AKT2: variants seen among roughly 807,000 people sequenced by gnomAD.
AKT2 encodes RAC-beta serine/threonine-protein kinase.
A neutral mutation model predicts 58.6 loss-of-function variants in AKT2; 16 were observed. The ratio of observed to expected loss-of-function variants is 0.27; its 90% confidence interval spans 0.18 to 0.41. The LOEUF is 0.41. AKT2 is among the 10% of genes least tolerant of loss of function. The probability of loss-of-function intolerance (pLI) is 1.00; values close to 1 mark genes in which losing one functional copy is unlikely to be tolerated. For synonymous variants in AKT2, 253 were observed against 254.0 expected (o/e 1.00, Z 0.04); for missense variants, 438 against 661.0 (o/e 0.66, Z 3.70).
In AKT2 at chr19:40,234,191, C is replaced by T. The variant is rs994239773; in HGVS notation, c.1367-240G>A. 1.3e-5 allele frequency among the ~76,000 whole-genome samples: 2 copies of T among 152,286 alleles called. No individual in the cohort carries two copies. Among genetic ancestry groups the T allele is most frequent in the East Asian group, 3.9e-4 (2 of 5,180 alleles). ...CCATGCGCCCCACAGCTGGCAGGGC[C>T]TTCTGAGCCTCCCACCTTCTCTCTG... On this transcript the variant is annotated intron_variant, in intron 13 of 13. Coordinates refer to ENST00000392038, the MANE Select transcript of AKT2 (RefSeq NM_001626.6). The surrounding 1 kb of genome is among the most constrained non-coding windows in gnomAD (Gnocchi z 4.7).
intron 1 of AKT2, among the ~76,000 whole-genome samples, chr19:40,266,887 G>C (rs1209214011): frequency 2.0e-5 from 3 of 152,160 alleles, no homozygotes; most frequent in Non-Finnish European, 4.4e-5. Context: ...ACTCGAGCCT[G>C]GGAGGTCCAG....
rs573563926 is a variant in AKT2 at position 40,233,337 on chromosome 19, C to T, written c.*535G>A. On this transcript the variant is annotated 3_prime_UTR_variant, in exon 14 of 14. Coordinates refer to ENST00000392038, the MANE Select transcript of AKT2 (RefSeq NM_001626.6). The surrounding 1 kb of genome is among the most constrained non-coding windows in gnomAD (Gnocchi z 4.3). ...TGCAGCTCCCAAGGGCCCCTGCCTG[C>T]CCCTGGACATTATTGCTTTTCTGCC... 1.7e-5 allele frequency: 7 copies of T among 403,606 alleles called. No homozygotes were observed. The highest frequency in any genetic ancestry group is 3.3e-5 in the Non-Finnish European group (7 of 213,510). The allele number at this position is 403,606 out of a possible 1,614,324, so 25.0% of individuals were successfully genotyped here. A position where few individuals can be genotyped will look rare whatever the true frequency, so the allele number is the denominator to read the frequency against.
intron 1 of AKT2, among the ~76,000 whole-genome samples, chr19:40,276,599 C>T (rs2145420533): frequency 6.6e-6 from 1 of 151,896 alleles, no homozygotes; most frequent in South Asian, 2.1e-4. Context: ...CTCCTGACCT[C>T]GTGATCCACC....
intron 6 of AKT2, chr19:40,241,639 A>G: frequency 2.2e-6 from 1 of 445,904 alleles, no homozygotes; most frequent in South Asian, 2.1e-5. Context: ...ACTCCCCAAC[A>G]GCGACGTCCT....
chr19:40,263,079 T>C (rs538822591), intron 2 of AKT2, among the ~76,000 whole-genome samples: 1 of 152,350 alleles, frequency 6.6e-6, no homozygotes, highest in Admixed American at 6.5e-5. Context: ...CTGGGTCATC[T>C]GGCCCCTTGT....
Position 40,238,777 on chromosome 19 carries a change from G to A in AKT2, c.708+128C>T. On this transcript the variant is annotated intron_variant, in intron 8 of 13. Transcript: ENST00000392038. This position sits in a 1 kb window ranked among gnomAD's most constrained non-coding sequence, Gnocchi z 5.1. Reference sequence around the variant, plus strand: ...ATGGAGACGAAGCCGCCTGCCTCAAGGGAGAGGGGCACTAGATGACACTGA... The same window carrying A: ...ATGGAGACGAAGCCGCCTGCCTCAAAGGAGAGGGGCACTAGATGACACTGA... 2 of 1,021,904 alleles carry A rather than the reference G, an allele frequency of 2.0e-6. No individual in the cohort carries two copies. Among genetic ancestry groups the A allele is most frequent in the Admixed American group, 1.8e-5 (1 of 56,886 alleles). 63.3% of individuals were successfully genotyped at this position (1,021,904 alleles called of 1,614,324 possible).
intron 2 of AKT2, among the ~76,000 whole-genome samples, chr19:40,259,077 CAG>C (rs1390717120): frequency 6.6e-6 from 1 of 152,112 alleles, no homozygotes; most frequent in Non-Finnish European, 1.5e-5. Context: ...GAAGAGAATT[CAG>C]AGCCAAAAAA....
At chr19:40,271,873 A>C (rs2077222467) in intron 1 of AKT2, among the ~76,000 whole-genome samples, 1 of 152,184 alleles carries the variant, frequency 6.6e-6, no homozygotes, top group African/African-American at 2.4e-5. Flanking sequence ...GTCATCACCA[A>C]ATGTCTCCTG....
chr19:40,282,626 T>C lies in AKT2; in HGVS notation c.-85+2555A>G, dbSNP rs554506562. The C allele has an allele frequency of 2.7e-4, 119 of 442,872 alleles. 3 individuals carry two copies. The highest frequency in any genetic ancestry group is 1.9e-3 in the South Asian group (116 of 60,256). 27.4% of individuals were successfully genotyped at this position (442,872 alleles called of 1,614,324 possible). On this transcript the variant is annotated intron_variant, in intron 1 of 13. Coordinates refer to ENST00000392038, the MANE Select transcript of AKT2 (RefSeq NM_001626.6). ...CAGAGGTGACTCTATCCTATGTCTT[T>C]CCTTCCTTTCACCCAGCCTGGAACC... is the stretch of plus-strand genomic sequence containing the variant.
intron 1 of AKT2, among the ~76,000 whole-genome samples, chr19:40,272,016 A>G (rs1014587134): frequency 5.3e-5 from 8 of 152,344 alleles, no homozygotes; most frequent in African/African-American, 1.7e-4. Flanking sequence ...TGACTCTACT[A>G]AAAAGAGCAA....
chr19:40,277,473 A>C (rs1568574354), intron 1 of AKT2, among the ~76,000 whole-genome samples: 2 of 151,900 alleles, frequency 1.3e-5, no homozygotes, highest in East Asian at 3.9e-4. Context: ...TCTCTCCCAC[A>C]CAGGTCCCTC....
chr19:40,233,824 C>A lies in AKT2; in HGVS notation c.*48G>T. The A allele has an allele frequency of 6.3e-7, 1 of 1,593,440 alleles. No individual in the cohort carries two copies. The highest frequency in any genetic ancestry group is 8.5e-7 in the Non-Finnish European group (1 of 1,170,722). On this transcript the variant is annotated 3_prime_UTR_variant, in exon 14 of 14. Transcript: ENST00000392038. This position sits in a 1 kb window ranked among gnomAD's most constrained non-coding sequence, Gnocchi z 4.3. ...GTAAAAAGTTAGGGGGAAAAAACCACCCAGCGGTGATGGCAGCGAGCGTGC... is the reference window on the plus strand; with the variant it reads ...GTAAAAAGTTAGGGGGAAAAAACCAACCAGCGGTGATGGCAGCGAGCGTGC...
intron 1 of AKT2, chr19:40,274,958 G>A (rs1457241744): frequency 2.4e-6 from 1 of 411,666 alleles, no homozygotes; most frequent in Non-Finnish European, 4.9e-6. Context: ...TCCTTAGGGA[G>A]GCAGCCCTTC....
In AKT2 at chr19:40,233,286, C is replaced by G. The variant is rs1973809202; in HGVS notation, c.*586G>C. The G allele has an allele frequency of 2.8e-6, 1 of 352,122 alleles. No homozygotes were observed. The highest frequency in any genetic ancestry group is 2.0e-5 in the African/African-American group (1 of 49,004). The allele number at this position is 352,122 out of a possible 1,614,324, so 21.8% of individuals were successfully genotyped here. On this transcript the variant is annotated 3_prime_UTR_variant, in exon 14 of 14. Coordinates refer to ENST00000392038, the MANE Select transcript of AKT2 (RefSeq NM_001626.6). The surrounding 1 kb of genome is among the most constrained non-coding windows in gnomAD (Gnocchi z 4.3). ...GATCCTAGGATCTGACTCCATTCAC[C>G]AGGGAGCAGCCCTAACCCCCAGCCC...
intron 4 of AKT2, chr19:40,243,166 A>G: frequency 5.8e-6 from 1 of 172,868 alleles, no homozygotes; most frequent in South Asian, 1.3e-4. Context: ...GTGGAATACC[A>G]AGAGCGATCA....
intron 7 of AKT2, 117 bp from the exon 8 acceptor site, chr19:40,239,090 G>GC (rs1272021145): frequency 2.0e-6 from 2 of 996,706 alleles, no homozygotes; most frequent in Non-Finnish European, 3.0e-6. Context: ...CCTGGCTGGG[G>GC]CCCCCAGGAG....
chr19:40,239,773 C>T (rs1268610942), intron 7 of AKT2: 3 of 653,892 alleles, frequency 4.6e-6, no homozygotes, highest in East Asian at 2.9e-5. Context: ...CTCATAGAGA[C>T]AGCAGCCAGC....
chr19:40,249,566 C>T (rs1444477447), intron 4 of AKT2, among the ~76,000 whole-genome samples: 1 of 152,194 alleles, frequency 6.6e-6, no homozygotes, highest in African/African-American at 2.4e-5. Flanking sequence ...CCGTCCTCAC[C>T]GCTTCAGGAG....
chr19:40,240,359 T>G, intron 6 of AKT2: 1 of 690,900 alleles, frequency 1.4e-6, no homozygotes, highest in Non-Finnish European at 2.7e-6. Context: ...ACCAGGCTGC[T>G]AGGGACAAGA....
Sources: gnomAD v4.1 joint callset for allele counts (sites outside exome capture counted in the v4.1 genomes callset) on GRCh38, gnomAD v4.1.1 for gene constraint, Gnocchi (gnomAD v3.1) non-coding constraint, MANE v1.5 for transcripts, NCBI Gene and HGNC (gene_info 2026-07-23, HGNC 2026-07-21) for gene names.